The following EPHA5 variants were observed in gnomAD, a reference collection of about 807,000 sequenced individuals.
EPHA5 encodes the protein EPH receptor A5, also known as ephrin type-A receptor 5.
EPHA5 carries 60 observed loss-of-function variants against 105.0 expected under a neutral mutation model. The ratio of observed to expected loss-of-function variants is 0.57; its 90% CI spans 0.46 to 0.71. The LOEUF (loss-of-function observed/expected upper bound fraction) is 0.71. Ranked by LOEUF, EPHA5 falls within the 30% of genes least tolerant of loss-of-function variation. The pLI, the probability that EPHA5 is intolerant of heterozygous loss-of-function variation, is 0.00. For synonymous variants in EPHA5, 513 were observed against 449.1 expected, an observed-to-expected ratio of 1.14 and a Z score of -1.80; for missense variants, 1,218 against 1,274.7, an observed-to-expected ratio of 0.96 and a Z score of 0.68.
At chr4:65,598,437 C>A (rs1207458113) in intron 3 of EPHA5, among the ~76,000 whole-genome samples, 1 of 152,058 alleles carries the variant, frequency 6.6e-6, no homozygotes, top group African/African-American at 2.4e-5. Flanking sequence ...GATTTTCTTT[C>A]CTCTCTTTTG....
intron 4 of EPHA5, among the ~76,000 whole-genome samples, chr4:65,491,673 T>A (rs961223958): frequency 2.6e-5 from 4 of 152,052 alleles, no homozygotes; most frequent in Admixed American, 2.0e-4. Context: ...ATATATTTTA[T>A]ATTCAGAATC....
At chr4:65,510,201 ATT>A (rs1165642650) in intron 3 of EPHA5, among the ~76,000 whole-genome samples, 1 of 46,388 alleles carries the variant, frequency 2.2e-5, no homozygotes, top group African/African-American at 6.1e-5. Flanking sequence ...CGTCTGGCTA[ATT>A]TTGTGTTTTT....
intron 8 of EPHA5, among the ~76,000 whole-genome samples, chr4:65,387,412 G>A (rs1050775474): frequency 1.3e-5 from 2 of 151,980 alleles, no homozygotes; most frequent in Non-Finnish European, 2.9e-5. Context: ...TCAATTTATT[G>A]GATGAAGATT....
intron 14 of EPHA5, among the ~76,000 whole-genome samples, chr4:65,346,752 G>A (rs1180081261): frequency 2.6e-5 from 4 of 152,008 alleles, no homozygotes; most frequent in African/African-American, 9.7e-5. Flanking sequence ...CTAACATCCA[G>A]AATCTACAAA....
At chr4:65,336,967 T>C (rs1332144039) in intron 14 of EPHA5, among the ~76,000 whole-genome samples, 13 of 152,112 alleles carry the variant, frequency 8.5e-5, no homozygotes, top group African/African-American at 2.9e-4. Context: ...TTATTTTGCA[T>C]ATTTCTTTAA....
intron 8 of EPHA5, among the ~76,000 whole-genome samples, chr4:65,393,675 G>A (rs1720939846): frequency 6.6e-6 from 1 of 152,040 alleles, no homozygotes. Context: ...TAAACACCTG[G>A]ATCTATCAGT....
intron 7 of EPHA5, among the ~76,000 whole-genome samples, chr4:65,408,594 C>T (rs984716717): frequency 2.0e-5 from 3 of 152,086 alleles, no homozygotes; most frequent in African/African-American, 7.2e-5. Context: ...AAAAAATGCT[C>T]ACCATCACTG....
rs1349192633 is a variant in EPHA5, at chr4:65,420,560, A to T, written c.1408T>A (p.Ser470Thr). ...VNVTTNQAAP[S>T]PVTNVKKGKI... ...CCTTTTTTCACATTGGTGACTGGAG[A>T]TGGAGCTGCAAAATAGTTTAAATAA... The change falls in exon 6 of 17, where the codon TCT becomes ACT. Residue 470 changes from serine to threonine, a missense_variant. Physicochemically the swap from Ser to Thr is moderately conservative, Grantham distance 58. This residue lies in a region of EPHA5 where 971 missense variants were observed against 1,013.5 expected (regional missense o/e 0.96). Transcript: ENST00000613740. The T allele has an allele frequency of 4.3e-6, 7 of 1,612,242 alleles. No individual in the cohort carries two copies. The highest frequency in any genetic ancestry group is 5.9e-6 in the Non-Finnish European group (7 of 1,179,274).
intron 5 of EPHA5, among the ~76,000 whole-genome samples, chr4:65,475,940 A>G (rs1729752679): frequency 6.6e-6 from 1 of 152,174 alleles, no homozygotes; most frequent in Non-Finnish European, 1.5e-5. Context: ...ATCAGCAGGT[A>G]TTTTGTACAG....
At chr4:65,464,606 C>G (rs1032015744) in intron 5 of EPHA5, among the ~76,000 whole-genome samples, 4 of 151,952 alleles carry the variant, frequency 2.6e-5, no homozygotes, top group Non-Finnish European at 4.4e-5. Context: ...TTATTAAAAT[C>G]ATTTTAAAAA....
intron 3 of EPHA5, among the ~76,000 whole-genome samples, chr4:65,596,706 A>C (rs1052454106): frequency 6.6e-5 from 10 of 151,312 alleles, no homozygotes; most frequent in Admixed American, 2.0e-4. Flanking sequence ...ACACACACAC[A>C]CCAACACAAC....
intron 5 of EPHA5, among the ~76,000 whole-genome samples, chr4:65,442,520 G>A (rs567754636): frequency 2.3e-4 from 35 of 152,194 alleles, no homozygotes; most frequent in Non-Finnish European, 4.6e-4. Flanking sequence ...TACAAAGATT[G>A]ACTCTTTGTG....
At chr4:65,365,444 C>A (rs1195233185) in intron 10 of EPHA5, among the ~76,000 whole-genome samples, 2 of 150,820 alleles carry the variant, frequency 1.3e-5, no homozygotes, top group Non-Finnish European at 3.0e-5. Flanking sequence ...GGGCTATTAA[C>A]TTCCTCTATC....
At chr4:65,477,087 A>G (rs1729894331) in intron 5 of EPHA5, among the ~76,000 whole-genome samples, 2 of 152,210 alleles carry the variant, frequency 1.3e-5, no homozygotes, top group Admixed American at 1.3e-4. Context: ...TTGTGCTCCT[A>G]AGAAAAGATT....
chr4:65,483,783 C>T (rs1298224775), intron 5 of EPHA5, among the ~76,000 whole-genome samples: 1 of 152,098 alleles, frequency 6.6e-6, no homozygotes, highest in Non-Finnish European at 1.5e-5. Flanking sequence ...GGAAGAGTTA[C>T]ACTGTAAGTG....
At chr4:65,418,938 C>A (rs1464220079) in intron 6 of EPHA5, among the ~76,000 whole-genome samples, 1 of 114,816 alleles carries the variant, frequency 8.7e-6, no homozygotes, top group Non-Finnish European at 1.6e-5. Flanking sequence ...GACTGGAGTG[C>A]AATGGTGCGA....
Position 65,336,138 on chromosome 4 carries a change from A to C in EPHA5, c.2596-13T>G, listed in dbSNP as rs541509118. 6.3e-7 allele frequency: 1 copy of C among 1,578,518 alleles called. No homozygotes were observed. Among genetic ancestry groups the C allele is most frequent in the Non-Finnish European group, 8.6e-7 (1 of 1,161,488 alleles). On this transcript the variant is annotated splice_polypyrimidine_tract_variant and intron_variant, in intron 14 of 16. Coordinates refer to ENST00000613740, the MANE Select transcript of EPHA5 (RefSeq NM_001281766.3). ...CCGCTTTAATCACCTGTATAAAGCA[A>C]AACAGAACCAGCACCCCAACACCAC...
chr4:65,513,738 G>A (rs1733846940), intron 3 of EPHA5, among the ~76,000 whole-genome samples: 1 of 152,004 alleles, frequency 6.6e-6, no homozygotes, highest in Non-Finnish European at 1.5e-5. Context: ...TGTTTTTAAA[G>A]TCTTCTGAAG....
intron 11 of EPHA5, among the ~76,000 whole-genome samples, chr4:65,356,940 C>T (rs1723357609): frequency 6.6e-6 from 1 of 151,320 alleles, no homozygotes; most frequent in Non-Finnish European, 1.5e-5. Context: ...CAGACAAAGA[C>T]TAGATCTGCC....
Sources: allele counts gnomAD v4.1 joint callset (sites outside exome capture counted in the v4.1 genomes callset), GRCh38; gene constraint gnomAD v4.1.1; regional missense constraint gnomAD v4.1.1; transcripts MANE v1.5; gene names NCBI Gene and HGNC (gene_info 2026-07-23, HGNC 2026-07-21).